The following CDH4 variants were observed in gnomAD, a reference collection of about 807,000 sequenced individuals.
CDH4 encodes cadherin-4.
A neutral mutation model predicts 86.0 loss-of-function variants in CDH4; 33 were observed. The ratio of observed to expected loss-of-function variants is 0.38; its 90% CI spans 0.29 to 0.51. The LOEUF (loss-of-function observed/expected upper bound fraction) is 0.51. Among genes scored for constraint, CDH4 ranks in the 20% least tolerant of loss-of-function variants. The pLI, the probability that CDH4 is intolerant of heterozygous loss-of-function variation, is 0.86. For missense variants in CDH4, 1,114 were observed against 1,307.4 expected, an observed-to-expected ratio of 0.85 and a Z score of 2.28; for synonymous variants, 555 against 549.4, an observed-to-expected ratio of 1.01 and a Z score of -0.14.
intron 2 of CDH4, among the ~76,000 whole-genome samples, chr20:61,505,283 T>C (rs1286963444): frequency 1.3e-5 from 2 of 152,126 alleles, no homozygotes; most frequent in Non-Finnish European, 2.9e-5. Context: ...CCAGCCTGTC[T>C]AGAGGGTGGA....
chr20:61,272,444 C>T (rs2084188309), intron 2 of CDH4, among the ~76,000 whole-genome samples: 1 of 152,226 alleles, frequency 6.6e-6, no homozygotes. Context: ...AGGAAGACAT[C>T]CCTTCCGTGC....
intron 2 of CDH4, among the ~76,000 whole-genome samples, chr20:61,508,324 G>A (rs6121421): frequency 1.1e-3 from 168 of 152,326 alleles, no homozygotes; most frequent in African/African-American, 3.7e-3. Context: ...GGTCCCCACC[G>A]GGTGAGAAGC....
At chr20:61,743,471 G>A in intron 2 of CDH4, 92 bp from the exon 3 acceptor site, 1 of 906,488 alleles carries the variant, frequency 1.1e-6, no homozygotes, top group Non-Finnish European at 1.8e-6. Context: ...ATGCCCACTG[G>A]GGGCCTGTAG....
In CDH4 at chr20:61,663,501, G is replaced by T. The variant is rs922217185; in HGVS notation, c.170-80062G>T. Among the ~76,000 whole-genome samples, 1 of 152,220 alleles carries T rather than the reference G, an allele frequency of 6.6e-6. No individual in the cohort carries two copies. Among genetic ancestry groups the T allele is most frequent in the Non-Finnish European group, 1.5e-5 (1 of 68,036 alleles). On this transcript the variant is annotated intron_variant, in intron 2 of 15. Transcript: ENST00000614565. This position sits in a 1 kb window ranked among gnomAD's most constrained non-coding sequence, Gnocchi z 5.0. Reference sequence around the variant, plus strand: ...GGGTCCTAGAAATGCCAATGCTGGGGATGCCGCCGAGTGGGTCAGAGGGGC... The same window carrying T: ...GGGTCCTAGAAATGCCAATGCTGGGTATGCCGCCGAGTGGGTCAGAGGGGC...
rs1331652316 is a variant in CDH4, at chr20:61,788,990, C to T, written c.576+15808C>T. Reference sequence around the variant, plus strand: ...AAAATGACTCTCTAAAACCATGCCCCAGAAAGAGACTTTGTCCCCGGGGCC... The same window carrying T: ...AAAATGACTCTCTAAAACCATGCCCTAGAAAGAGACTTTGTCCCCGGGGCC... On this transcript the variant is annotated intron_variant, in intron 4 of 15. Transcript: ENST00000614565. Among the ~76,000 whole-genome samples, 3 of 152,216 alleles carry T rather than the reference C, an allele frequency of 2.0e-5. No homozygotes were observed. In the East Asian group the frequency reaches 5.8e-4, roughly 29 times the overall value.
At chr20:61,913,401 C>T (rs1464559540) in intron 9 of CDH4, among the ~76,000 whole-genome samples, 3 of 152,344 alleles carry the variant, frequency 2.0e-5, no homozygotes, top group African/African-American at 7.2e-5. Flanking sequence ...ATCACAGCCA[C>T]GGAAAGTGGA....
chr20:61,788,084 G>C (rs1025078080), intron 4 of CDH4, among the ~76,000 whole-genome samples: 2 of 152,194 alleles, frequency 1.3e-5, no homozygotes, highest in African/African-American at 4.8e-5. Flanking sequence ...AGTAAAGGCA[G>C]TAGCAGGAGG....
intron 2 of CDH4, among the ~76,000 whole-genome samples, chr20:61,653,645 T>G (rs1339010548): frequency 7.6e-4 from 45 of 59,312 alleles, no homozygotes; most frequent in Non-Finnish European, 1.2e-3. Flanking sequence ...GCTGCCGGGC[T>G]GAGGGGCTCC....
chr20:61,288,893 C>T lies in CDH4; in HGVS notation c.169+33956C>T, dbSNP rs1352925796. Among the ~76,000 whole-genome samples, 9 of 152,208 alleles carry T rather than the reference C, an allele frequency of 5.9e-5. No homozygotes were observed. The South Asian group carries it at 1.2e-3, about 21-fold the overall frequency. ...ACAATAAAATCATCATGTTCTGAGG[C>T]GGAAGTCATAGGCTTTCGCTCTTCT... On this transcript the variant is annotated intron_variant, in intron 2 of 15. Transcript: ENST00000614565.
At chr20:61,545,700 C>T (rs1328491740) in intron 2 of CDH4, among the ~76,000 whole-genome samples, 1 of 152,152 alleles carries the variant, frequency 6.6e-6, no homozygotes, top group Non-Finnish European at 1.5e-5. Flanking sequence ...ATGCTTGGCG[C>T]CAGCGGGCAG....
chr20:61,752,728 G>A (rs2088515361), intron 3 of CDH4, among the ~76,000 whole-genome samples: 1 of 152,214 alleles, frequency 6.6e-6, no homozygotes, highest in Non-Finnish European at 1.5e-5. Context: ...AACAAAGCCA[G>A]CGAATCTCAC....
intron 2 of CDH4, among the ~76,000 whole-genome samples, chr20:61,349,152 A>G (rs1444270433): frequency 1.3e-5 from 2 of 152,320 alleles, no homozygotes; most frequent in Middle Eastern, 3.4e-3. Context: ...AACATGGGCC[A>G]CTTCTCAGGA....
chr20:61,307,460 A>C (rs900649334), intron 2 of CDH4, among the ~76,000 whole-genome samples: 1 of 152,230 alleles, frequency 6.6e-6, no homozygotes, highest in South Asian at 2.1e-4. Context: ...ACATGCTCCA[A>C]CACACGTTGC....
At chr20:61,560,649 G>A (rs952124780) in intron 2 of CDH4, among the ~76,000 whole-genome samples, 2 of 152,236 alleles carry the variant, frequency 1.3e-5, no homozygotes, top group African/African-American at 2.4e-5. Flanking sequence ...CCTGGCGAGG[G>A]CTGAGTGCCT....
At chr20:61,812,639 C>G (rs113591502) in intron 4 of CDH4, among the ~76,000 whole-genome samples, 4,481 of 152,298 alleles carry the variant, frequency 0.029, 206 homozygotes, top group African/African-American at 0.099. Flanking sequence ...AATTTAGTCA[C>G]TGACCAACAG....
intron 2 of CDH4, among the ~76,000 whole-genome samples, chr20:61,448,583 ACT>A (rs2085364582): frequency 6.6e-6 from 1 of 152,006 alleles, no homozygotes; most frequent in Admixed American, 6.6e-5. Flanking sequence ...GACAAAGCGG[ACT>A]CTGATTTAGT....
chr20:61,603,128 GT>G (rs980649507), intron 2 of CDH4, among the ~76,000 whole-genome samples: 55 of 152,224 alleles, frequency 3.6e-4, no homozygotes, highest in Non-Finnish European at 4.3e-4. Flanking sequence ...CAGAAGCACA[GT>G]TTTTTATTCT....
intron 2 of CDH4, among the ~76,000 whole-genome samples, chr20:61,437,732 G>C (rs2085292501): frequency 6.6e-6 from 1 of 152,122 alleles, no homozygotes; most frequent in Non-Finnish European, 1.5e-5. Context: ...CACTTAAAAG[G>C]ACTTAGGTCG....
chr20:61,471,023 G>C (rs1413360349), intron 2 of CDH4, among the ~76,000 whole-genome samples: 1 of 151,922 alleles, frequency 6.6e-6, no homozygotes, highest in African/African-American at 2.4e-5. Context: ...CTTTGTCTGG[G>C]TGTGGTATTA....
Sources: gnomAD v4.1 joint callset for allele counts (sites outside exome capture counted in the v4.1 genomes callset) on GRCh38, gnomAD v4.1.1 for gene constraint, Gnocchi (gnomAD v3.1) non-coding constraint, MANE v1.5 for transcripts, NCBI Gene and HGNC (gene_info 2026-07-23, HGNC 2026-07-21) for gene names.